The following MCM6 variants were observed in gnomAD, a reference collection of about 807,000 sequenced individuals.
The protein encoded by MCM6 is DNA replication licensing factor MCM6.
MCM6 carries 46 observed loss-of-function variants against 94.3 expected under a neutral mutation model. The observed-to-expected ratio is 0.49, with a 90% CI of 0.39 to 0.62. The LOEUF (loss-of-function observed/expected upper bound fraction) is 0.62, where lower values mean the gene tolerates loss of function less well. Ranked by LOEUF, MCM6 falls within the 20% of genes least tolerant of loss-of-function variation. The probability of loss-of-function intolerance (pLI) is 0.00; values close to 1 mark genes in which losing one functional copy is unlikely to be tolerated. For missense variants in MCM6, 865 were observed against 1,017.9 expected (o/e 0.85, Z 2.04); for synonymous variants, 335 against 351.9 (o/e 0.95, Z 0.54).
In MCM6 at chr2:135,849,836, T is replaced by TA. The variant is rs1274364814; in HGVS notation, c.1917+1565dup. The stretch of plus-strand genomic sequence containing the variant: ...ATAATGGGAGAATTTTTTATAATCT[T>TA]AGAGTGAGAAAGGCCTAACAAAAGT... On this transcript the variant is annotated intron_variant, in intron 13 of 16. Transcript: ENST00000264156. 2.0e-5 allele frequency among the ~76,000 whole-genome samples: 3 copies of TA among 152,284 alleles called. No individual in the cohort carries two copies. The South Asian group carries it at 6.2e-4, about 32-fold the overall frequency.
intron 4 of MCM6, among the ~76,000 whole-genome samples, chr2:135,867,101 CT>C (rs1680105926): frequency 1.3e-5 from 2 of 152,074 alleles, no homozygotes; most frequent in South Asian, 4.1e-4. Context: ...TCAAATACAC[CT>C]TTTATACCCT....
chr2:135,847,351 G>T (rs1315935834), intron 14 of MCM6, among the ~76,000 whole-genome samples: 1 of 152,216 alleles, frequency 6.6e-6, no homozygotes, highest in African/African-American at 2.4e-5. Flanking sequence ...GGAAGTTAAG[G>T]CTGCAGTGCC....
chr2:135,870,242 GT>G lies in MCM6; in HGVS notation c.365+8del. On this transcript the variant is annotated splice_region_variant and intron_variant, in intron 3 of 16. Coordinates refer to ENST00000264156, the MANE Select transcript of MCM6 (RefSeq NM_005915.6). ...TGAATTCCTTTTTTTCCAGAGAAGG[GT>G]TTCTTACTTGTGTCTGGTAGGCAGG... 1 of 1,596,638 alleles carries G rather than the reference GT, an allele frequency of 6.3e-7. No individual in the cohort carries two copies. The highest frequency in any genetic ancestry group is 8.6e-7 in the Non-Finnish European group (1 of 1,164,194).
intron 13 of MCM6, among the ~76,000 whole-genome samples, chr2:135,849,777 T>C (rs1320332735): frequency 6.6e-6 from 1 of 152,208 alleles, no homozygotes; most frequent in Admixed American, 6.5e-5. Context: ...GTTCAATAAA[T>C]GGTTTTGGAA....
Position 135,841,177 on chromosome 2 carries a change from A to G in MCM6, c.2350-226T>C, listed in dbSNP as rs4988282. ...TTTTCATACCATAAACCCCTTGTGG[A>G]AAATTAAGAAATACTTAAATATATT... On this transcript the variant is annotated intron_variant, in intron 16 of 16. Coordinates refer to ENST00000264156, the MANE Select transcript of MCM6 (RefSeq NM_005915.6). Among the ~76,000 whole-genome samples, 1,129 of 152,350 alleles carry G rather than the reference A, an allele frequency of 7.4e-3. 12 individuals carry two copies. The highest frequency in any genetic ancestry group is 0.025 in the African/African-American group (1,060 of 41,574).
At chr2:135,874,220 TGTG>T (rs1341604354) in intron 1 of MCM6, among the ~76,000 whole-genome samples, 2 of 152,160 alleles carry the variant, frequency 1.3e-5, no homozygotes, top group East Asian at 3.8e-4. Context: ...TGTAATGTGA[TGTG>T]GTGGGTAGGT....
Position 135,868,657 on chromosome 2 carries a change from C to A in MCM6, c.569G>T (p.Arg190Ile), listed in dbSNP as rs975639843. 1 of 1,614,136 alleles carries A rather than the reference C, an allele frequency of 6.2e-7. No homozygotes were observed. Among genetic ancestry groups the A allele is most frequent in the Non-Finnish European group, 8.5e-7 (1 of 1,179,980 alleles). ...TGATTTATTTGTATCCAGTAAGAAT[C>A]TCCTCCTGTTGGCACAAACTGGATT... is the stretch of plus-strand genomic sequence containing the variant. Reference protein sequence around the residue: ...CRNPVCANRRRFLLDTNKSRF... With the variant: ...CRNPVCANRRIFLLDTNKSRF... Residue 190 changes from arginine (R) to isoleucine (I), a missense_variant, in exon 4 of 17, where the codon AGA becomes ATA. Physicochemically the swap from Arg to Ile is moderately conservative, Grantham distance 97. Transcript: ENST00000264156.
intron 1 of MCM6, 63 bp downstream of exon 1, chr2:135,876,196 C>T (rs1352587755): frequency 1.2e-5 from 16 of 1,333,496 alleles, no homozygotes; most frequent in African/African-American, 6.1e-5. Flanking sequence ...CCACACGGCA[C>T]CGCCTGGCCC....
intron 5 of MCM6, 72 bp downstream of exon 5, chr2:135,866,491 G>A: frequency 2.7e-6 from 4 of 1,493,692 alleles, no homozygotes; most frequent in Non-Finnish European, 3.6e-6. Flanking sequence ...AGACAATGAA[G>A]ATGTGGGAAG....
In MCM6 at chr2:135,859,424, G is replaced by A. The variant is rs760232150; in HGVS notation, c.1239C>T (p.Ser413=). ...SQFLKHVEEF[S]PRAVYTSGKA... is the part of the protein sequence containing the mutation. ...TACCACTGGTGTAGACAGCTCTGGG[G>A]CTGAACTCCTCCACGTGCCTGTTCA... The change falls in exon 9 of 17, where the codon AGC becomes AGT. Residue 413 remains serine, a synonymous_variant. Transcript: ENST00000264156. 2.5e-6 allele frequency: 4 copies of A among 1,611,810 alleles called. No homozygotes were observed.
intron 4 of MCM6, among the ~76,000 whole-genome samples, chr2:135,867,055 C>T (rs1048047157): frequency 6.6e-6 from 1 of 152,098 alleles, no homozygotes; most frequent in Non-Finnish European, 1.5e-5. Flanking sequence ...CATGCTCCAT[C>T]TTCTCCTAAG....
In MCM6 at chr2:135,870,327, A is replaced by G. The variant is rs779470520; in HGVS notation, c.289T>C (p.Phe97Leu). Residue 97 changes from phenylalanine (F) to leucine (L), a missense_variant, in exon 3 of 17, where the codon TTC (phenylalanine) becomes CTC (leucine). Phe to Leu is a conservative substitution (Grantham distance 22). This residue lies in a region of MCM6 where 404 missense variants were observed against 451.9 expected (regional missense o/e 0.89). Transcript: ENST00000264156. Reference sequence around the variant, plus strand: ...GGGATCTCTTTACGGTCTTTGACGAATGTTTTCAAGGCCCGACACAGGTAA... The same window carrying G: ...GGGATCTCTTTACGGTCTTTGACGAGTGTTTTCAAGGCCCGACACAGGTAA... ...YPYLCRALKTFVKDRKEIPLA... is the reference protein window; with the variant it reads ...YPYLCRALKTLVKDRKEIPLA... 3 of 1,613,976 alleles carry G rather than the reference A, an allele frequency of 1.9e-6. No homozygotes were observed. The highest frequency in any genetic ancestry group is 2.5e-6 in the Non-Finnish European group (3 of 1,179,898).
intron 8 of MCM6, among the ~76,000 whole-genome samples, chr2:135,861,591 C>G (rs1368147104): frequency 6.6e-6 from 1 of 152,110 alleles, no homozygotes; most frequent in Non-Finnish European, 1.5e-5. Context: ...TAGCAGCATT[C>G]CCTTTGGAAA....
intron 13 of MCM6, among the ~76,000 whole-genome samples, chr2:135,849,415 A>C (rs975738254): frequency 2.0e-5 from 3 of 152,260 alleles, no homozygotes; most frequent in Non-Finnish European, 4.4e-5. Context: ...GAGATTTTAT[A>C]GTAGTACAAC....
rs1679549725 is a variant in MCM6 at position 135,840,536 on chromosome 2, G to C, written c.*299C>G. 1 of 265,456 alleles carries C rather than the reference G, an allele frequency of 3.8e-6. No individual in the cohort carries two copies. The highest frequency in any genetic ancestry group is 2.2e-5 in the African/African-American group (1 of 45,582). The allele number at this position is 265,456 out of a possible 1,614,324, so 16.4% of individuals were successfully genotyped here. On this transcript the variant is annotated 3_prime_UTR_variant, in exon 17 of 17. Transcript: ENST00000264156. ...CAATAGGACAGCACATACCTTAAAA[G>C]TAATGGGCCTTTTCTTACACATGAA...
chr2:135,854,075 A>C (rs551475131), intron 11 of MCM6, among the ~76,000 whole-genome samples: 2 of 152,090 alleles, frequency 1.3e-5, no homozygotes, highest in Non-Finnish European at 2.9e-5. Context: ...AAAAATACAA[A>C]AGTTAGCTGG....
Position 135,872,847 on chromosome 2 carries a change from C to G in MCM6, c.108-4G>C. 6.2e-7 allele frequency: 1 copy of G among 1,613,646 alleles called. No homozygotes were observed. Among genetic ancestry groups the G allele is most frequent in the Non-Finnish European group, 8.5e-7 (1 of 1,179,798 alleles). ...TTCTCCATCGCTGCTCTGAAACCTG[C>G]AGGTACATTCGAGTCAACTAGATTA... On this transcript the variant is annotated splice_region_variant and splice_polypyrimidine_tract_variant and intron_variant, in intron 1 of 16. Coordinates refer to ENST00000264156, the MANE Select transcript of MCM6 (RefSeq NM_005915.6).
At chr2:135,857,429 C>T (rs776818453) in intron 10 of MCM6, among the ~76,000 whole-genome samples, 6 of 152,178 alleles carry the variant, frequency 3.9e-5, no homozygotes, top group Non-Finnish European at 5.9e-5. Flanking sequence ...CTCTAAGTAT[C>T]TACTGTTGCT....
rs1026907307 is a variant in MCM6, at chr2:135,848,965, G to A, written c.1918-777C>T. Among the ~76,000 whole-genome samples the A allele has an allele frequency of 3.3e-5, 5 of 152,146 alleles. No individual in the cohort carries two copies. In the South Asian group the frequency reaches 6.2e-4, roughly 19 times the overall value. On this transcript the variant is annotated intron_variant, in intron 13 of 16. Coordinates refer to ENST00000264156, the MANE Select transcript of MCM6 (RefSeq NM_005915.6). Reference sequence around the variant, plus strand: ...TGGAAAAAAAGGCTACTCCCAGTACGAACAAACATGATAAAATATCAAGAA... The same window carrying A: ...TGGAAAAAAAGGCTACTCCCAGTACAAACAAACATGATAAAATATCAAGAA...
Sources: allele counts gnomAD v4.1 joint callset (sites outside exome capture counted in the v4.1 genomes callset), GRCh38; gene constraint gnomAD v4.1.1; regional missense constraint gnomAD v4.1.1; transcripts MANE v1.5; gene names NCBI Gene and HGNC (gene_info 2026-07-23, HGNC 2026-07-21).